CLEC16A: variants seen among roughly 807,000 people sequenced by gnomAD.
The protein encoded by CLEC16A is C-type lectin domain containing 16A, also known as protein CLEC16A.
Under a neutral mutation model 109.5 loss-of-function variants are expected in CLEC16A, and 51 were observed. The ratio of observed to expected loss-of-function variants is 0.47; its 90% CI spans 0.37 to 0.59. CLEC16A has a LOEUF of 0.59. Among genes scored for constraint, CLEC16A ranks in the 20% least tolerant of loss-of-function variants. CLEC16A has a pLI of 0.00. For missense variants in CLEC16A, 1,339 were observed against 1,394.0 expected, an observed-to-expected ratio of 0.96 and a Z score of 0.63; for synonymous variants, 673 against 564.2, an observed-to-expected ratio of 1.19 and a Z score of -2.73.
chr16:11,138,125 A>T (rs2053655636), intron 22 of CLEC16A, among the ~76,000 whole-genome samples: 2 of 152,370 alleles, frequency 1.3e-5, no homozygotes, highest in East Asian at 1.9e-4. Flanking sequence ...AGGAAGTGAC[A>T]TGACAAACAT....
At chr16:11,140,481 C>T (rs997982196) in intron 22 of CLEC16A, among the ~76,000 whole-genome samples, 2 of 152,230 alleles carry the variant, frequency 1.3e-5, no homozygotes, top group Non-Finnish European at 2.9e-5. Context: ...TGTCCACGGG[C>T]TCAGCACAGT....
chr16:11,098,540 A>G (rs1567314733), intron 19 of CLEC16A, among the ~76,000 whole-genome samples: 1 of 152,110 alleles, frequency 6.6e-6, no homozygotes. Context: ...GGCCATCCAT[A>G]ATGGTATTTG....
chr16:11,169,187 C>G (rs2140969028), intron 23 of CLEC16A, among the ~76,000 whole-genome samples: 1 of 152,354 alleles, frequency 6.6e-6, no homozygotes, highest in African/African-American at 2.4e-5. Context: ...TGGAGCCTCC[C>G]AGAGTCCAGG....
intron 11 of CLEC16A, 92 bp from the exon 12 acceptor site, chr16:11,020,101 T>G: frequency 7.0e-7 from 1 of 1,423,680 alleles, no homozygotes; most frequent in South Asian, 1.4e-5. Context: ...TTGGAGTCAT[T>G]TATGCATATT....
At chr16:11,072,608 A>G (rs1461955186) in intron 19 of CLEC16A, among the ~76,000 whole-genome samples, 1 of 152,174 alleles carries the variant, frequency 6.6e-6, no homozygotes, top group African/African-American at 2.4e-5. Flanking sequence ...CCTTGGACAA[A>G]TTAGTTAACC....
At chr16:10,955,026 A>G (rs768611038) in intron 1 of CLEC16A, among the ~76,000 whole-genome samples, 3 of 152,184 alleles carry the variant, frequency 2.0e-5, no homozygotes, top group Non-Finnish European at 4.4e-5. Context: ...CTCTGGAACA[A>G]CCCAGTGAGG....
intron 19 of CLEC16A, among the ~76,000 whole-genome samples, chr16:11,086,364 G>C (rs2050008340): frequency 6.6e-6 from 1 of 152,208 alleles, no homozygotes; most frequent in African/African-American, 2.4e-5. Flanking sequence ...GCTAGGAACT[G>C]TTTCCCCCTT....
At chr16:10,997,037 C>T (rs949407573) in intron 10 of CLEC16A, among the ~76,000 whole-genome samples, 2 of 152,246 alleles carry the variant, frequency 1.3e-5, no homozygotes, top group Non-Finnish European at 2.9e-5. Flanking sequence ...CCACAGCTCA[C>T]TGCAGCCTCA....
intron 19 of CLEC16A, among the ~76,000 whole-genome samples, chr16:11,064,846 T>A (rs1325276632): frequency 6.6e-6 from 1 of 152,206 alleles, no homozygotes; most frequent in African/African-American, 2.4e-5. Context: ...AGATCACATG[T>A]AAAGCTCACA....
intron 19 of CLEC16A, among the ~76,000 whole-genome samples, chr16:11,102,602 A>G (rs1324491111): frequency 6.6e-6 from 1 of 152,196 alleles, no homozygotes; most frequent in Non-Finnish European, 1.5e-5. Context: ...TTTAGTCCCA[A>G]CCGCTTCATT....
intron 1 of CLEC16A, among the ~76,000 whole-genome samples, chr16:10,947,964 G>T (rs919747503): frequency 1.3e-5 from 2 of 152,026 alleles, no homozygotes; most frequent in African/African-American, 4.8e-5. Context: ...CACGATCTTG[G>T]CTCACTGCAA....
rs2041911571 is a variant in CLEC16A at position 10,954,821 on chromosome 16, C to T, written c.81-2961C>T. On this transcript the variant is annotated intron_variant, in intron 1 of 23. Transcript: ENST00000409790. This position sits in a 1 kb window ranked among gnomAD's most constrained non-coding sequence, Gnocchi z 4.2. ...CGACTCCTGCCCTGAAGCCCTCTTT[C>T]CCTGTTTGAATCTAGCCTGATCTCT... Among the ~76,000 whole-genome samples, 1 of 152,232 alleles carries T rather than the reference C, an allele frequency of 6.6e-6. No individual in the cohort carries two copies. The highest frequency in any genetic ancestry group is 1.5e-5 in the Non-Finnish European group (1 of 68,038).
intron 3 of CLEC16A, among the ~76,000 whole-genome samples, chr16:10,963,746 C>T (rs2042367481): frequency 6.6e-6 from 1 of 152,202 alleles, no homozygotes; most frequent in Non-Finnish European, 1.5e-5. Context: ...CTAGCAAAGC[C>T]AGAATAGAGA....
chr16:11,140,855 A>G (rs1203414202), intron 22 of CLEC16A, among the ~76,000 whole-genome samples: 3 of 152,152 alleles, frequency 2.0e-5, no homozygotes, highest in African/African-American at 7.2e-5. Flanking sequence ...CCCCTAGACA[A>G]CTATGTGATG....
rs1396789873 is a variant in CLEC16A at position 11,042,464 on chromosome 16, G to A, written c.1770+101G>A. ...CCAGATAGGAGCCCTGGCCCGTGGT[G>A]TCATCGGTCACCAGCTAGAAGCAGC... On this transcript the variant is annotated intron_variant, in intron 15 of 23. Coordinates refer to ENST00000409790, the MANE Select transcript of CLEC16A (RefSeq NM_015226.3). 5.8e-6 allele frequency: 5 copies of A among 857,706 alleles called. No homozygotes were observed. In the African/African-American group the frequency reaches 6.8e-5, roughly 12 times the overall value. 53.1% of individuals were successfully genotyped at this position (857,706 alleles called of 1,614,324 possible).
At chr16:11,040,087 C>A (rs1248914721) in intron 14 of CLEC16A, 10 of 509,440 alleles carry the variant, frequency 2.0e-5, no homozygotes, top group Non-Finnish European at 3.0e-5. Flanking sequence ...TTTGCCATCC[C>A]ATCCCCTGCC....
chr16:11,121,354 T>C (rs996154297), intron 20 of CLEC16A, among the ~76,000 whole-genome samples: 2 of 152,194 alleles, frequency 1.3e-5, no homozygotes, highest in African/African-American at 2.4e-5. Flanking sequence ...CTCTTACTTC[T>C]TTATGCACTT....
In CLEC16A at chr16:10,987,656, G is replaced by A. The variant is rs1427822495; in HGVS notation, c.1071+4665G>A. Among the ~76,000 whole-genome samples the A allele has an allele frequency of 2.0e-5, 3 of 152,176 alleles. No homozygotes were observed. The East Asian group carries it at 5.8e-4, about 29-fold the overall frequency. ...AGTTGGTTGTAATCTGATGACTATC[G>A]TTCAGGTTTGGGAAGAGCACAGGCT... On this transcript the variant is annotated intron_variant, in intron 10 of 23. Coordinates refer to ENST00000409790, the MANE Select transcript of CLEC16A (RefSeq NM_015226.3).
chr16:11,172,693 A>T (rs185624619), intron 23 of CLEC16A, among the ~76,000 whole-genome samples: 1 of 152,268 alleles, frequency 6.6e-6, no homozygotes, highest in East Asian at 1.9e-4. Context: ...GTTCGAGACC[A>T]GCCTGGCCAA....
Sources: gnomAD v4.1 joint callset for allele counts (sites outside exome capture counted in the v4.1 genomes callset) on GRCh38, gnomAD v4.1.1 for gene constraint, Gnocchi (gnomAD v3.1) non-coding constraint, MANE v1.5 for transcripts, NCBI Gene and HGNC (gene_info 2026-07-23, HGNC 2026-07-21) for gene names.